Variants in PRKN observed in about 807,000 individuals in gnomAD.
PRKN encodes parkin RBR E3 ubiquitin protein ligase.
PRKN carries 56 observed loss-of-function variants against 59.5 expected under a neutral mutation model. The observed-to-expected ratio is 0.94, with a 90% confidence interval of 0.76 to 1.18. PRKN has a LOEUF of 1.18. Ranked by LOEUF, PRKN falls within the 50% of genes most tolerant of loss-of-function variation. PRKN has a pLI of 0.00. For missense variants in PRKN, 657 were observed against 596.4 expected, an observed-to-expected ratio of 1.10 and a Z score of -1.06; for synonymous variants, 250 against 222.1, an observed-to-expected ratio of 1.13 and a Z score of -1.12.
chr6:161,772,411 C>A (rs1467419204), intron 7 of PRKN, among the ~76,000 whole-genome samples: 1 of 152,134 alleles, frequency 6.6e-6, no homozygotes, highest in African/African-American at 2.4e-5. Flanking sequence ...CCGAGCGGCT[C>A]TCTGGCTGCT....
chr6:162,389,523 C>T (rs975694743), intron 2 of PRKN, among the ~76,000 whole-genome samples: 2 of 152,144 alleles, frequency 1.3e-5, no homozygotes, highest in African/African-American at 2.4e-5. Context: ...GTACACACAG[C>T]CCATTTGCAT....
At chr6:161,895,703 G>A (rs971320370) in intron 6 of PRKN, among the ~76,000 whole-genome samples, 2 of 149,454 alleles carry the variant, frequency 1.3e-5, no homozygotes, top group Non-Finnish European at 1.5e-5. Flanking sequence ...TGAGGCTTCT[G>A]AGATTCAGGA....
In PRKN at chr6:161,499,132, AT is replaced by A. The variant is rs1554267942; in HGVS notation, c.1083+49721del. Reference sequence around the variant, plus strand: ...AGGGTCTGGACACACACACACACACATTTTTTTTTTTTTTTTGGCTCACAGA... The same window carrying A: ...AGGGTCTGGACACACACACACACACATTTTTTTTTTTTTTTGGCTCACAGA... On this transcript the variant is annotated intron_variant, in intron 9 of 11. Coordinates refer to ENST00000366898, the MANE Select transcript of PRKN (RefSeq NM_004562.3). The surrounding 1 kb of genome is among the most constrained non-coding windows in gnomAD (Gnocchi z 4.2). Among the ~76,000 whole-genome samples the A allele has an allele frequency of 0.084, 11,416 of 136,408 alleles. 672 individuals carry two copies. The highest frequency in any genetic ancestry group is 0.17 in the African/African-American group (6,187 of 36,804). 89.5% of individuals were successfully genotyped at this position (136,408 alleles called of 152,430 possible). A position where few individuals can be genotyped will look rare whatever the true frequency, so the allele number is the denominator to read the frequency against.
intron 2 of PRKN, among the ~76,000 whole-genome samples, chr6:162,402,534 A>C (rs908180011): frequency 3.3e-5 from 5 of 152,052 alleles, no homozygotes; most frequent in Non-Finnish European, 7.4e-5. Flanking sequence ...GCTGACCCCC[A>C]AAAAAGGAAA....
chr6:162,719,910 A>C (rs1169519810), intron 1 of PRKN, among the ~76,000 whole-genome samples: 7 of 150,670 alleles, frequency 4.6e-5, no homozygotes, highest in Non-Finnish European at 5.9e-5. Context: ...AAAAAAAAAA[A>C]AAAAAAAAAC....
intron 6 of PRKN, among the ~76,000 whole-genome samples, chr6:161,898,449 T>C (rs1777745933): frequency 6.6e-6 from 1 of 152,190 alleles, no homozygotes; most frequent in African/African-American, 2.4e-5. Flanking sequence ...TATGTACACT[T>C]CACAACAGTT....
intron 2 of PRKN, among the ~76,000 whole-genome samples, chr6:162,289,041 G>A (rs1408274395): frequency 6.6e-6 from 1 of 152,078 alleles, no homozygotes; most frequent in African/African-American, 2.4e-5. Context: ...CCTACACATG[G>A]GTTTCCTAGG....
At chr6:161,932,609 T>C (rs906010109) in intron 6 of PRKN, among the ~76,000 whole-genome samples, 2 of 152,220 alleles carry the variant, frequency 1.3e-5, no homozygotes, top group Non-Finnish European at 2.9e-5. Context: ...ATTTTCATTT[T>C]TGCCACTTTG....
rs111989402 is a variant in PRKN at position 162,140,956 on chromosome 6, G to A, written c.534+60175C>T. Among the ~76,000 whole-genome samples, 526 of 151,982 alleles carry A rather than the reference G, an allele frequency of 3.5e-3. 2 individuals are homozygous for A. Among genetic ancestry groups the A allele is most frequent in the African/African-American group, 0.012 (507 of 41,474 alleles). ...ATCCTGGCTAACACGGTGAAACCCCGTCTCTACTAAAAAACACACAAAAAG... is the reference window on the plus strand; with the variant it reads ...ATCCTGGCTAACACGGTGAAACCCCATCTCTACTAAAAAACACACAAAAAG... On this transcript the variant is annotated intron_variant, in intron 4 of 11. Coordinates refer to ENST00000366898, the MANE Select transcript of PRKN (RefSeq NM_004562.3).
chr6:162,146,438 A>C (rs926298815), intron 4 of PRKN, among the ~76,000 whole-genome samples: 1 of 150,702 alleles, frequency 6.6e-6, no homozygotes, highest in East Asian at 1.9e-4. Context: ...AAATATATAT[A>C]TATATCGATA....
chr6:162,614,367 T>C (rs1040481625), intron 1 of PRKN, among the ~76,000 whole-genome samples: 1 of 152,200 alleles, frequency 6.6e-6, no homozygotes, highest in Non-Finnish European at 1.5e-5. Context: ...CCACATTGTC[T>C]GCTTTACATG....
At chr6:162,495,322 A>G (rs750905089) in intron 1 of PRKN, among the ~76,000 whole-genome samples, 2 of 152,346 alleles carry the variant, frequency 1.3e-5, no homozygotes, top group South Asian at 4.1e-4. Flanking sequence ...ATTAAATTTA[A>G]GTCCATCAAG....
At chr6:161,532,162 CTCTCTATATATATA>C (rs1371535613) in intron 9 of PRKN, among the ~76,000 whole-genome samples, 42 of 83,632 alleles carry the variant, frequency 5.0e-4, no homozygotes, top group African/African-American at 1.6e-3. Context: ...CTCTCTCTCT[CTCTCTATATATATA>C]TATATATATA....
intron 2 of PRKN, among the ~76,000 whole-genome samples, chr6:162,385,432 C>T (rs1786750146): frequency 2.6e-5 from 4 of 152,198 alleles, no homozygotes; most frequent in Admixed American, 2.6e-4. Context: ...AATAACCAAC[C>T]TGATAATATC....
chr6:162,464,603 CAGG>C (rs1247169549), intron 1 of PRKN, among the ~76,000 whole-genome samples: 1 of 140,466 alleles, frequency 7.1e-6, no homozygotes, highest in Non-Finnish European at 1.5e-5. Context: ...ATCACGAGGT[CAGG>C]AGATCAAGAC....
Position 161,830,001 on chromosome 6 carries a change from C to T in PRKN, c.735-44093G>A, listed in dbSNP as rs1008825077. On this transcript the variant is annotated intron_variant, in intron 6 of 11. Coordinates refer to ENST00000366898, the MANE Select transcript of PRKN (RefSeq NM_004562.3). ...GGGTCATATTCATGTTGGTGCCCTG[C>T]TTCGGCTACACTGGCCCCTTTGTCC... 3.2e-4 allele frequency among the ~76,000 whole-genome samples: 49 copies of T among 152,286 alleles called. 1 individual carries two copies. Among genetic ancestry groups the T allele is most frequent in the African/African-American group, 1.0e-3 (43 of 41,576 alleles).
rs1777444402 is a variant in PRKN, at chr6:161,488,986, C to A, written c.1083+59868G>T. Among the ~76,000 whole-genome samples the A allele has an allele frequency of 6.6e-6, 1 of 152,112 alleles. No homozygotes were observed. Among genetic ancestry groups the A allele is most frequent in the Admixed American group, 6.5e-5 (1 of 15,270 alleles). On this transcript the variant is annotated intron_variant, in intron 9 of 11. Transcript: ENST00000366898. This position sits in a 1 kb window ranked among gnomAD's most constrained non-coding sequence, Gnocchi z 4.5. ...CTGATAACCTACTGTGATGACATTT[C>A]TCAGGAACGAGGCGACTAGAAGAAA...
At chr6:162,226,122 T>C (rs1270950359) in intron 3 of PRKN, among the ~76,000 whole-genome samples, 1 of 150,086 alleles carries the variant, frequency 6.7e-6, no homozygotes, top group Non-Finnish European at 1.5e-5. Context: ...CTGGGCAGGT[T>C]AGAAAGAACT....
intron 2 of PRKN, among the ~76,000 whole-genome samples, chr6:162,336,631 G>A (rs1000954632): frequency 2.6e-5 from 4 of 152,218 alleles, no homozygotes; most frequent in African/African-American, 4.8e-5. Flanking sequence ...TGAGCGGGAC[G>A]CAGGTGCTGC....
Sources: allele counts gnomAD v4.1 joint callset (sites outside exome capture counted in the v4.1 genomes callset), GRCh38; gene constraint gnomAD v4.1.1; non-coding constraint Gnocchi (gnomAD v3.1); transcripts MANE v1.5; gene names NCBI Gene and HGNC (gene_info 2026-07-23, HGNC 2026-07-21).